SPNS3: variants seen among roughly 807,000 people sequenced by gnomAD.
The protein encoded by SPNS3 is SPNS lysolipid transporter 3, sphingosine-1-phosphate (putative).
In SPNS3, 51 loss-of-function variants were observed where a neutral mutation model predicts 54.4. The ratio of observed to expected loss-of-function variants is 0.94; its 90% CI spans 0.75 to 1.18. The LOEUF (loss-of-function observed/expected upper bound fraction) is 1.18, where lower values mean the gene tolerates loss of function less well. Among genes scored for constraint, SPNS3 ranks in the 50% most tolerant of loss-of-function variants. The probability of loss-of-function intolerance (pLI) is 0.00; values close to 1 mark genes in which losing one functional copy is unlikely to be tolerated. For synonymous variants in SPNS3, 309 were observed against 294.7 expected (o/e 1.05, Z -0.50); for missense variants, 669 against 677.4 (o/e 0.99, Z 0.14).
At position 4,434,011 on chromosome 17, in the gene SPNS3, G is replaced by T. The variant is rs1191175959; in HGVS notation, c.44G>T (p.Gly15Val). Residue 15 changes from glycine (G) to valine (V), a missense_variant, in exon 1 of 12, where the codon GGA becomes GTA. Gly to Val is a moderately radical substitution (Grantham distance 109, BLOSUM62 -3). Coordinates refer to ENST00000355530, the MANE Select transcript of SPNS3 (RefSeq NM_182538.5). ...GCGGAGTGCCCTGAGCCTGGGCCAG[G>T]AGGTCTGCAGGGCCAGTCCCCAGGG... ...MSAECPEPGP[G>V]GLQGQSPGPG... 1 of 1,596,570 alleles carries T rather than the reference G, an allele frequency of 6.3e-7. No homozygotes were observed.
chr17:4,480,572 A>G (rs1597343572), intron 9 of SPNS3, among the ~76,000 whole-genome samples: 1 of 151,362 alleles, frequency 6.6e-6, no homozygotes, highest in South Asian at 2.1e-4. Flanking sequence ...TGAAGGCTGC[A>G]CCCGTGTCCC....
At chr17:4,466,719 C>T (rs776274241) in intron 8 of SPNS3, among the ~76,000 whole-genome samples, 163 of 151,550 alleles carry the variant, frequency 1.1e-3, no homozygotes, top group Non-Finnish European at 2.0e-3. Flanking sequence ...GTGGTGGGCA[C>T]CTGTAATCCC....
intron 8 of SPNS3, among the ~76,000 whole-genome samples, chr17:4,465,885 T>C (rs1437848654): frequency 6.6e-6 from 1 of 152,206 alleles, no homozygotes; most frequent in East Asian, 1.9e-4. Flanking sequence ...CCTGCCGACA[T>C]CTGACATTGC....
intron 7 of SPNS3, among the ~76,000 whole-genome samples, chr17:4,452,207 C>T (rs1303720609): frequency 6.6e-6 from 1 of 152,116 alleles, no homozygotes; most frequent in Non-Finnish European, 1.5e-5. Flanking sequence ...AGCGATCCTC[C>T]CGCCTCAGCC....
In SPNS3 at chr17:4,486,183, G is replaced by A; in HGVS notation, c.1180-45G>A. On this transcript the variant is annotated intron_variant, in intron 9 of 11. Transcript: ENST00000355530. This position sits in a 1 kb window ranked among gnomAD's most constrained non-coding sequence, Gnocchi z 5.5. The stretch of plus-strand genomic sequence containing the variant: ...GGCAGGTGGGGAACAGCAGGCAAGG[G>A]TGCCCTCACTTGGGGTGCCCCCCTG... The A allele has an allele frequency of 2.7e-6, 4 of 1,479,652 alleles. No homozygotes were observed. Among genetic ancestry groups the A allele is most frequent in the Non-Finnish European group, 3.6e-6 (4 of 1,114,328 alleles). The allele number at this position is 1,479,652 out of a possible 1,614,324, so 91.7% of individuals were successfully genotyped here. A position where few individuals can be genotyped will look rare whatever the true frequency, so the allele number is the denominator to read the frequency against.
intron 8 of SPNS3, among the ~76,000 whole-genome samples, chr17:4,464,114 CT>C (rs958279913): frequency 5.9e-5 from 9 of 152,208 alleles, no homozygotes; most frequent in Admixed American, 4.6e-4. Flanking sequence ...TGGAAATGAG[CT>C]TTTCTGAGAA....
chr17:4,449,330 G>A lies in SPNS3; in HGVS notation c.866G>A (p.Arg289His), dbSNP rs200989195. The stretch of plus-strand genomic sequence containing the variant: ...GCCCCCAAGTTTCTGCTCGAGGCAC[G>A]CGTGGTTCACGGGCTGCAGCCTCCC... ...FWAPKFLLEA[R>H]VVHGLQPPCF... The change falls in exon 7 of 12, where the codon CGC becomes CAC. Residue 289 changes from arginine (R) to histidine (H), a missense_variant. Transcript: ENST00000355530. 14 of 1,611,352 alleles carry A rather than the reference G, an allele frequency of 8.7e-6. No individual in the cohort carries two copies. Among genetic ancestry groups the A allele is most frequent in the East Asian group, 2.2e-5 (1 of 44,824 alleles).
rs188982778 is a variant in SPNS3, at chr17:4,438,726, A to G, written c.200-932A>G. On this transcript the variant is annotated intron_variant, in intron 1 of 11. Transcript: ENST00000355530. ...CATGAGCGAGGCCACTGTGCTGTAC[A>G]GCTCCAGGGACTTCCGTTTACACAG... Among the ~76,000 whole-genome samples, 6 of 152,372 alleles carry G rather than the reference A, an allele frequency of 3.9e-5. No individual in the cohort carries two copies. In the East Asian group the frequency reaches 1.2e-3, roughly 29 times the overall value.
chr17:4,442,536 A>G (rs1245939081), intron 2 of SPNS3, among the ~76,000 whole-genome samples: 1 of 152,030 alleles, frequency 6.6e-6, no homozygotes, highest in East Asian at 1.9e-4. Context: ...GTCTCAAAAA[A>G]AAAACAAAAA....
At chr17:4,440,910 C>A (rs890368593) in intron 2 of SPNS3, among the ~76,000 whole-genome samples, 4 of 152,068 alleles carry the variant, frequency 2.6e-5, no homozygotes, top group African/African-American at 7.2e-5. Context: ...AGTGAGATAG[C>A]GGTCTCAGGG....
At chr17:4,468,576 G>C (rs543383420) in intron 8 of SPNS3, among the ~76,000 whole-genome samples, 1 of 152,014 alleles carries the variant, frequency 6.6e-6, no homozygotes, top group Non-Finnish European at 1.5e-5. Context: ...GGCAGGGGGC[G>C]GTGGCGGCGG....
chr17:4,448,161 C>T lies in SPNS3; in HGVS notation c.628C>T (p.Pro210Ser), dbSNP rs1427435231. Reference sequence around the variant, plus strand: ...TGGGCCCTCCTGTCCCCAGGTCATGCCCTGCCTGGAGGCCGTGGCCTTGAT... The same window carrying T: ...TGGGCCCTCCTGTCCCCAGGTCATGTCCTGCCTGGAGGCCGTGGCCTTGAT... Reference protein sequence around the residue: ...GNWRWALRVMPCLEAVALILL... With the variant: ...GNWRWALRVMSCLEAVALILL... Residue 210 changes from proline (P) to serine (S), a missense_variant, in exon 6 of 12, where the codon CCC (proline) becomes TCC (serine). By Grantham distance (74) the Pro-to-Ser change is moderately conservative (BLOSUM62 -1). Coordinates refer to ENST00000355530, the MANE Select transcript of SPNS3 (RefSeq NM_182538.5). 6.3e-7 allele frequency: 1 copy of T among 1,592,278 alleles called. No homozygotes were observed. The highest frequency in any genetic ancestry group is 8.5e-7 in the Non-Finnish European group (1 of 1,170,812).
intron 1 of SPNS3, among the ~76,000 whole-genome samples, chr17:4,437,124 G>A (rs538391601): frequency 3.3e-5 from 5 of 152,290 alleles, no homozygotes; most frequent in African/African-American, 4.8e-5. Flanking sequence ...GAACTGGTGG[G>A]GGTAAACAGC....
intron 2 of SPNS3, among the ~76,000 whole-genome samples, chr17:4,442,932 G>T (rs76379310): frequency 0.11 from 16,200 of 152,164 alleles, 1,026 homozygotes; most frequent in African/African-American, 0.18. Context: ...TGGGAATGAG[G>T]AGTGTCTGTT....
Position 4,443,616 on chromosome 17 carries a change from G to A in SPNS3, c.266-1416G>A, listed in dbSNP as rs79201873. 4.2e-3 allele frequency among the ~76,000 whole-genome samples: 644 copies of A among 152,300 alleles called. 8 individuals are homozygous for A. Among genetic ancestry groups the A allele is most frequent in the African/African-American group, 0.015 (628 of 41,572 alleles). Reference sequence around the variant, plus strand: ...CTCTCAGTAACCAAACAAGGGAATAGCACTGTTGATGAAAGGGGAACACGA... The same window carrying A: ...CTCTCAGTAACCAAACAAGGGAATAACACTGTTGATGAAAGGGGAACACGA... On this transcript the variant is annotated intron_variant, in intron 2 of 11. Transcript: ENST00000355530.
chr17:4,487,324 C>T (rs575238707), intron 11 of SPNS3, among the ~76,000 whole-genome samples: 1 of 152,258 alleles, frequency 6.6e-6, no homozygotes, highest in Admixed American at 6.5e-5. Context: ...ACAATCAATG[C>T]AAAGGCCCTG....
chr17:4,468,290 C>G (rs1305794170), intron 8 of SPNS3, among the ~76,000 whole-genome samples: 3 of 151,818 alleles, frequency 2.0e-5, no homozygotes, highest in Non-Finnish European at 4.4e-5. Flanking sequence ...AAAAAACAAA[C>G]AAAAAATAAA....
At chr17:4,469,857 A>T (rs924275335) in intron 8 of SPNS3, among the ~76,000 whole-genome samples, 1 of 152,106 alleles carries the variant, frequency 6.6e-6, no homozygotes, top group African/African-American at 2.4e-5. Flanking sequence ...GTATCAAATG[A>T]CTTTTATATT....
chr17:4,449,105 A>G (rs372395031), intron 6 of SPNS3, 130 bp from the exon 7 acceptor site: 17 of 1,074,258 alleles, frequency 1.6e-5, no homozygotes, highest in African/African-American at 9.7e-5. Context: ...AGCAAATGCT[A>G]CCTATGGAAT....
Sources: gnomAD v4.1 joint callset for allele counts (sites outside exome capture counted in the v4.1 genomes callset) on GRCh38, gnomAD v4.1.1 for gene constraint, Gnocchi (gnomAD v3.1) non-coding constraint, MANE v1.5 for transcripts, NCBI Gene and HGNC (gene_info 2026-07-23, HGNC 2026-07-21) for gene names.